SEMA6D: variants seen among roughly 807,000 people sequenced by gnomAD.
SEMA6D encodes semaphorin-6D.
Under a neutral mutation model 106.6 loss-of-function variants are expected in SEMA6D, and 35 were observed. That is an observed-to-expected ratio of 0.33 (90% CI 0.25 to 0.44). The LOEUF (loss-of-function observed/expected upper bound fraction) is 0.44, where lower values mean the gene tolerates loss of function less well. SEMA6D is among the 20% of genes least tolerant of loss of function. The pLI is 1.00. For synonymous variants in SEMA6D, 499 were observed against 487.7 expected, an observed-to-expected ratio of 1.02 and a Z score of -0.31; for missense variants, 1,185 against 1,345.9, an observed-to-expected ratio of 0.88 and a Z score of 1.87.
intron 3 of SEMA6D, among the ~76,000 whole-genome samples, chr15:47,499,978 C>G (rs1001005038): frequency 6.6e-6 from 1 of 152,108 alleles, no homozygotes; most frequent in Non-Finnish European, 1.5e-5. Context: ...AACACTCTGG[C>G]TCTTAATCCC....
chr15:47,642,924 T>G (rs1390208151), intron 4 of SEMA6D, among the ~76,000 whole-genome samples: 1 of 150,354 alleles, frequency 6.7e-6, no homozygotes, highest in African/African-American at 2.5e-5. Context: ...CGGGAAGGGA[T>G]AGGGATTGCA....
chr15:47,338,717 A>G (rs1229662822), intron 1 of SEMA6D, among the ~76,000 whole-genome samples: 1 of 152,154 alleles, frequency 6.6e-6, no homozygotes, highest in African/African-American at 2.4e-5. Context: ...TAGGGGATCC[A>G]TGTTCAAAAA....
chr15:47,600,323 C>T (rs1049944780), intron 3 of SEMA6D, among the ~76,000 whole-genome samples: 1 of 151,968 alleles, frequency 6.6e-6, no homozygotes, highest in Admixed American at 6.6e-5. Flanking sequence ...TCATTATTTC[C>T]AGGTTCTGAG....
intron 3 of SEMA6D, among the ~76,000 whole-genome samples, chr15:47,588,120 A>G (rs1033278190): frequency 6.6e-6 from 1 of 152,122 alleles, no homozygotes; most frequent in Non-Finnish European, 1.5e-5. Flanking sequence ...CCCACGCCCT[A>G]TCCCATACAC....
chr15:47,588,743 A>C (rs755171183), intron 3 of SEMA6D, among the ~76,000 whole-genome samples: 1 of 152,204 alleles, frequency 6.6e-6, no homozygotes, highest in Admixed American at 6.5e-5. Context: ...GAAGGCAGTT[A>C]CACTTAGACA....
intron 1 of SEMA6D, among the ~76,000 whole-genome samples, chr15:47,269,281 T>G (rs1033281841): frequency 2.7e-4 from 41 of 152,034 alleles, no homozygotes; most frequent in African/African-American, 9.7e-4. Flanking sequence ...AGTGTTTATA[T>G]TAATCCTATT....
At chr15:47,299,125 T>C (rs1334455678) in intron 1 of SEMA6D, among the ~76,000 whole-genome samples, 1 of 152,078 alleles carries the variant, frequency 6.6e-6, no homozygotes, top group Non-Finnish European at 1.5e-5. Context: ...GCTGGGTGGG[T>C]GGGCATCAGG....
chr15:47,307,028 G>A (rs1314728035), intron 1 of SEMA6D, among the ~76,000 whole-genome samples: 1 of 152,176 alleles, frequency 6.6e-6, no homozygotes, highest in East Asian at 1.9e-4. Flanking sequence ...AAATGCCTGT[G>A]TTTGAATCCT....
chr15:47,188,258 G>A (rs1377554816), intron 1 of SEMA6D, among the ~76,000 whole-genome samples: 1 of 152,122 alleles, frequency 6.6e-6, no homozygotes, highest in East Asian at 1.9e-4. Context: ...CATTGATTAA[G>A]TGATTCAAAT....
chr15:47,728,968 C>G (rs1022460783), intron 1 of SEMA6D, among the ~76,000 whole-genome samples: 1 of 152,190 alleles, frequency 6.6e-6, no homozygotes, highest in Admixed American at 6.5e-5. Flanking sequence ...GAGTCCCTCT[C>G]GCCATGTAAG....
intron 1 of SEMA6D, among the ~76,000 whole-genome samples, chr15:47,336,754 A>G (rs963369068): frequency 2.0e-5 from 3 of 152,140 alleles, no homozygotes; most frequent in Non-Finnish European, 4.4e-5. Flanking sequence ...ACTGACTCTG[A>G]AACAGTGTGG....
chr15:47,522,881 A>G (rs575336862), intron 3 of SEMA6D, among the ~76,000 whole-genome samples: 2 of 152,358 alleles, frequency 1.3e-5, no homozygotes, highest in East Asian at 1.9e-4. Context: ...AGGGAAATCT[A>G]TAAGGGATGA....
chr15:47,608,807 T>C (rs2076834356), intron 4 of SEMA6D, among the ~76,000 whole-genome samples: 1 of 152,208 alleles, frequency 6.6e-6, no homozygotes, highest in Non-Finnish European at 1.5e-5. Flanking sequence ...TACAATTAAA[T>C]GGAACATTTG....
At chr15:47,243,904 T>C (rs571517188) in intron 1 of SEMA6D, among the ~76,000 whole-genome samples, 8 of 152,280 alleles carry the variant, frequency 5.3e-5, no homozygotes, top group African/African-American at 1.7e-4. Flanking sequence ...CTACATGCTA[T>C]GGATATAGCA....
intron 1 of SEMA6D, among the ~76,000 whole-genome samples, chr15:47,220,856 C>T (rs1055239372): frequency 6.6e-6 from 1 of 152,182 alleles, no homozygotes; most frequent in Non-Finnish European, 1.5e-5. Context: ...AAGATTAATC[C>T]TCTTTGTTGT....
chr15:47,356,760 A>C (rs1333062205), intron 1 of SEMA6D, among the ~76,000 whole-genome samples: 4 of 152,112 alleles, frequency 2.6e-5, no homozygotes, highest in African/African-American at 9.7e-5. Context: ...CCACACCTGC[A>C]TTTATCCTTC....
At position 47,771,939 on chromosome 15, in the gene SEMA6D, G is replaced by T. The variant is rs2082647895; in HGVS notation, c.*154G>T. ...TCTAACTTTGGCAACATCAGAACTT[G>T]CCACATGTAGCTACTGCAGCAAGGC... is the stretch of plus-strand genomic sequence containing the variant. On this transcript the variant is annotated 3_prime_UTR_variant, in exon 19 of 19. Transcript: ENST00000536845. 2 of 716,178 alleles carry T rather than the reference G, an allele frequency of 2.8e-6. No homozygotes were observed. Among genetic ancestry groups the T allele is most frequent in the Non-Finnish European group, 4.6e-6 (2 of 433,998 alleles). The allele number at this position is 716,178 out of a possible 1,614,324, so 44.4% of individuals were successfully genotyped here. A position where few individuals can be genotyped will look rare whatever the true frequency, so the allele number is the denominator to read the frequency against.
intron 4 of SEMA6D, among the ~76,000 whole-genome samples, chr15:47,635,826 C>G (rs2077376797): frequency 6.6e-6 from 1 of 152,150 alleles, no homozygotes; most frequent in South Asian, 2.1e-4. Flanking sequence ...GTCATGTCAC[C>G]AGGTGCACAT....
chr15:47,298,550 T>G (rs2035895711), intron 1 of SEMA6D, among the ~76,000 whole-genome samples: 1 of 152,150 alleles, frequency 6.6e-6, no homozygotes, highest in South Asian at 2.1e-4. Context: ...ACCCCAAGCC[T>G]TTCATAGAAG....
Sources: gnomAD v4.1 joint callset for allele counts (sites outside exome capture counted in the v4.1 genomes callset) on GRCh38, gnomAD v4.1.1 for gene constraint, MANE v1.5 for transcripts, NCBI Gene and HGNC (gene_info 2026-07-23, HGNC 2026-07-21) for gene names.